ENOX1: variants seen among roughly 807,000 people sequenced by gnomAD.
ENOX1 encodes the protein candidate growth-related and time keeping constitutive hydroquinone (NADH) oxidase.
A neutral mutation model predicts 82.5 loss-of-function variants in ENOX1; 42 were observed. That is an observed-to-expected ratio of 0.51 (90% CI 0.40 to 0.66). The LOEUF is 0.66. ENOX1 is among the 30% of genes least tolerant of loss of function. The pLI is 0.00. For missense variants in ENOX1, 608 were observed against 811.6 expected (o/e 0.75, Z 3.05); for synonymous variants, 271 against 282.2 (o/e 0.96, Z 0.40).
chr13:43,303,625 C>T (rs987198729), intron 11 of ENOX1, among the ~76,000 whole-genome samples: 3 of 152,122 alleles, frequency 2.0e-5, no homozygotes, highest in Non-Finnish European at 4.4e-5. Flanking sequence ...AGGAAAGGTG[C>T]CCACAGGCCC....
intron 2 of ENOX1, among the ~76,000 whole-genome samples, chr13:43,619,568 T>A (rs1014770432): frequency 3.9e-5 from 6 of 152,188 alleles, no homozygotes; most frequent in African/African-American, 1.2e-4. Flanking sequence ...GACTTGTGTA[T>A]GTTAAACCAT....
intron 1 of ENOX1, among the ~76,000 whole-genome samples, chr13:43,669,758 G>C (rs7140060): frequency 6.6e-6 from 1 of 151,926 alleles, no homozygotes; most frequent in Non-Finnish European, 1.5e-5. Context: ...AGACTGTTCC[G>C]TTGTAATTCT....
chr13:43,534,731 G>C (rs942206394), intron 2 of ENOX1, among the ~76,000 whole-genome samples: 1 of 152,156 alleles, frequency 6.6e-6, no homozygotes, highest in African/African-American at 2.4e-5. Context: ...GAGACATGTG[G>C]CAATTTCTGG....
intron 8 of ENOX1, among the ~76,000 whole-genome samples, chr13:43,349,865 CTAT>C (rs1372586240): frequency 2.7e-5 from 4 of 146,210 alleles, no homozygotes; most frequent in Non-Finnish European, 4.6e-5. Flanking sequence ...TTGTGAGTCT[CTAT>C]CCCTGTCCCC....
At chr13:43,326,916 A>C (rs2048146700) in intron 9 of ENOX1, among the ~76,000 whole-genome samples, 1 of 152,250 alleles carries the variant, frequency 6.6e-6, no homozygotes, top group Admixed American at 6.5e-5. Context: ...AAGTGAAGTC[A>C]GGGAGAAGTG....
At position 43,450,778 on chromosome 13, in the gene ENOX1, G is replaced by A. The variant is rs145601446; in HGVS notation, c.-75+33231C>T. On this transcript the variant is annotated intron_variant, in intron 3 of 16. Transcript: ENST00000690772. ...ATTGGTTGGTTTGAATATCAAAGGC[G>A]AGCTCATGGGCAAGATGTTTGCTAT... Among the ~76,000 whole-genome samples the A allele has an allele frequency of 5.7e-3, 863 of 152,144 alleles. 5 individuals are homozygous for A. Among genetic ancestry groups the A allele is most frequent in the African/African-American group, 0.019 (787 of 41,484 alleles).
intron 2 of ENOX1, among the ~76,000 whole-genome samples, chr13:43,495,920 A>T (rs2076778569): frequency 1.3e-5 from 2 of 152,006 alleles, no homozygotes; most frequent in South Asian, 2.1e-4. Context: ...ATGGCTAATG[A>T]TGTCATTATT....
intron 2 of ENOX1, among the ~76,000 whole-genome samples, chr13:43,509,747 G>A (rs2077296200): frequency 6.6e-6 from 1 of 152,012 alleles, no homozygotes; most frequent in Admixed American, 6.6e-5. Flanking sequence ...GTTTTCCAAT[G>A]TCATTTGACA....
intron 1 of ENOX1, among the ~76,000 whole-genome samples, chr13:43,719,300 A>AATACACAC (rs2088385177): frequency 2.1e-5 from 1 of 47,494 alleles, no homozygotes; most frequent in African/African-American, 7.1e-5. Flanking sequence ...TATTCATTCA[A>AATACACAC]ATACACACAC....
At chr13:43,410,535 T>G (rs2054059084) in intron 5 of ENOX1, among the ~76,000 whole-genome samples, 1 of 151,964 alleles carries the variant, frequency 6.6e-6, no homozygotes, top group Non-Finnish European at 1.5e-5. Flanking sequence ...CCCTGGTCTC[T>G]TATCCATTTT....
chr13:43,396,527 G>A lies in ENOX1; in HGVS notation c.208+15389C>T, dbSNP rs188042143. On this transcript the variant is annotated intron_variant, in intron 5 of 16. Transcript: ENST00000690772. ...CCTGAGTAGCTGGGATTACAGACAC[G>A]CACCACCATGCCTGGCTAATTTTTT... is the stretch of plus-strand genomic sequence containing the variant. Among the ~76,000 whole-genome samples the A allele has an allele frequency of 6.2e-4, 94 of 152,128 alleles. 1 individual carries two copies. The highest frequency in any genetic ancestry group is 5.0e-3 in the Admixed American group (77 of 15,284).
At chr13:43,706,495 G>A (rs995514608) in intron 1 of ENOX1, among the ~76,000 whole-genome samples, 2 of 151,938 alleles carry the variant, frequency 1.3e-5, no homozygotes, top group African/African-American at 2.4e-5. Context: ...TGTAAAAGCT[G>A]TAACAAAATA....
At chr13:43,710,274 A>G (rs963563791) in intron 1 of ENOX1, among the ~76,000 whole-genome samples, 6 of 152,196 alleles carry the variant, frequency 3.9e-5, no homozygotes, top group African/African-American at 7.2e-5. Flanking sequence ...TCTGGATAAC[A>G]TATTTCCTAA....
chr13:43,762,162 A>G (rs563962847), intron 1 of ENOX1, among the ~76,000 whole-genome samples: 1 of 152,324 alleles, frequency 6.6e-6, no homozygotes, highest in East Asian at 1.9e-4. Flanking sequence ...AAAGCAGCTC[A>G]GGGGCAATTT....
At chr13:43,459,983 G>A (rs9533495) in intron 3 of ENOX1, among the ~76,000 whole-genome samples, 19,465 of 152,044 alleles carry the variant, frequency 0.13, 1,848 homozygotes, top group East Asian at 0.49. Context: ...GACAAAGCGA[G>A]ACTCTGTCTC....
chr13:43,504,667 G>A (rs1262321698), intron 2 of ENOX1, among the ~76,000 whole-genome samples: 1 of 151,424 alleles, frequency 6.6e-6, no homozygotes, highest in East Asian at 1.9e-4. Context: ...CAGAGGAAGG[G>A]CAAAATGTGG....
chr13:43,436,807 C>A, intron 3 of ENOX1, among the ~76,000 whole-genome samples: 1 of 151,874 alleles, frequency 6.6e-6, no homozygotes, highest in East Asian at 1.9e-4. Flanking sequence ...ACACAGGTAT[C>A]AGGGCTAATA....
intron 1 of ENOX1, among the ~76,000 whole-genome samples, chr13:43,759,305 C>T (rs1194784748): frequency 1.3e-5 from 2 of 151,960 alleles, no homozygotes; most frequent in African/African-American, 4.8e-5. Flanking sequence ...ACCATGTTGG[C>T]CATGCTGATC....
intron 3 of ENOX1, among the ~76,000 whole-genome samples, chr13:43,421,645 T>C (rs1444593360): frequency 6.6e-6 from 1 of 152,136 alleles, no homozygotes; most frequent in Non-Finnish European, 1.5e-5. Flanking sequence ...TATATACTCT[T>C]TCTCCCATGC....
Sources: allele counts gnomAD v4.1 joint callset (sites outside exome capture counted in the v4.1 genomes callset), GRCh38; gene constraint gnomAD v4.1.1; transcripts MANE v1.5; gene names NCBI Gene and HGNC (gene_info 2026-07-23, HGNC 2026-07-21).